The following COBLL1 variants were observed in gnomAD, a reference collection of about 807,000 sequenced individuals.
COBLL1 encodes the protein cordon-bleu protein-like 1.
Under a neutral mutation model 94.8 loss-of-function variants are expected in COBLL1, and 50 were observed. That is an observed-to-expected ratio of 0.53 (90% confidence interval 0.42 to 0.67). COBLL1 has a LOEUF of 0.67. COBLL1 is among the 30% of genes least tolerant of loss of function. COBLL1 has a pLI of 0.00. For synonymous variants in COBLL1, 448 were observed against 473.8 expected, an observed-to-expected ratio of 0.95 and a Z score of 0.71; for missense variants, 1,362 against 1,348.7, an observed-to-expected ratio of 1.01 and a Z score of -0.15.
At chr2:164,691,728 A>T (rs1683604790) in intron 13 of COBLL1, among the ~76,000 whole-genome samples, 1 of 152,128 alleles carries the variant, frequency 6.6e-6, no homozygotes, top group African/African-American at 2.4e-5. Context: ...CATTACTAAG[A>T]TTTGAATTTC....
chr2:164,680,948 T>C lies in COBLL1; in HGVS notation c.*4998A>G, dbSNP rs1369473958. The stretch of plus-strand genomic sequence containing the variant: ...TATAGAGAAAGGGAGAGAATATACT[T>C]TTGCACTACGACTAAGAAAAAAAAT... On this transcript the variant is annotated 3_prime_UTR_variant, in exon 14 of 14. Coordinates refer to ENST00000652658, the MANE Select transcript of COBLL1 (RefSeq NM_001365672.2). 1.3e-5 allele frequency: 2 copies of C among 152,060 alleles called. No individual in the cohort carries two copies. Among genetic ancestry groups the C allele is most frequent in the Non-Finnish European group, 2.9e-5 (2 of 68,012 alleles). The allele number at this position is 152,060 out of a possible 1,614,324, so 9.4% of individuals were successfully genotyped here.
intron 2 of COBLL1, among the ~76,000 whole-genome samples, chr2:164,752,270 G>A (rs1687164685): frequency 1.3e-5 from 2 of 152,148 alleles, no homozygotes. Flanking sequence ...CCAGATGAGG[G>A]TGACATGCAG....
intron 2 of COBLL1, among the ~76,000 whole-genome samples, chr2:164,833,701 C>T (rs1198088202): frequency 6.6e-6 from 1 of 152,116 alleles, no homozygotes; most frequent in African/African-American, 2.4e-5. Context: ...CCAACCACCT[C>T]GGCCTCCCAA....
chr2:164,826,353 T>A (rs1685427000), intron 2 of COBLL1, among the ~76,000 whole-genome samples: 2 of 152,188 alleles, frequency 1.3e-5, no homozygotes, highest in Non-Finnish European at 1.5e-5. Flanking sequence ...CTAACCAACT[T>A]CATCCTCCAC....
At position 164,784,829 on chromosome 2, in the gene COBLL1, T is replaced by A. The variant is rs191159026; in HGVS notation, c.42-40954A>T. ...GTACTAGAGCCAATACATGTTTTTTTAAAAACAATTAAAATACATATAAAA... is the reference window on the plus strand; with the variant it reads ...GTACTAGAGCCAATACATGTTTTTTAAAAAACAATTAAAATACATATAAAA... On this transcript the variant is annotated intron_variant, in intron 2 of 13. Coordinates refer to ENST00000652658, the MANE Select transcript of COBLL1 (RefSeq NM_001365672.2). 2.1e-4 allele frequency among the ~76,000 whole-genome samples: 32 copies of A among 152,274 alleles called. 1 individual carries two copies. Among genetic ancestry groups the A allele is most frequent in the Admixed American group, 1.7e-3 (26 of 15,286 alleles).
intron 2 of COBLL1, among the ~76,000 whole-genome samples, chr2:164,760,856 TAA>T (rs1687647151): frequency 6.6e-6 from 1 of 152,196 alleles, no homozygotes; most frequent in Non-Finnish European, 1.5e-5. Context: ...CGTACCTATT[TAA>T]AGTAAACCTG....
chr2:164,724,947 G>C (rs1685640145), intron 5 of COBLL1: 1 of 151,694 alleles, frequency 6.6e-6, no homozygotes, highest in Non-Finnish European at 1.5e-5. Context: ...GACAATGCTA[G>C]CAACTAATAA....
intron 2 of COBLL1, among the ~76,000 whole-genome samples, chr2:164,772,900 T>C (rs968690357): frequency 6.6e-6 from 1 of 152,110 alleles, no homozygotes; most frequent in Non-Finnish European, 1.5e-5. Context: ...TCAGTTAGTT[T>C]AGCAAAATTA....
chr2:164,688,043 T>C (rs1683397619), intron 13 of COBLL1, among the ~76,000 whole-genome samples: 1 of 144,810 alleles, frequency 6.9e-6, no homozygotes, highest in African/African-American at 2.7e-5. Context: ...TACTATGTAA[T>C]CTTTAAAAGA....
chr2:164,792,931 T>TCTA lies in COBLL1; in HGVS notation c.41+48222_41+48224dup, dbSNP rs200619973. Among the ~76,000 whole-genome samples the TCTA allele has an allele frequency of 1.6e-4, 25 of 152,230 alleles. No homozygotes were observed. The East Asian group carries it at 4.6e-3, about 28-fold the overall frequency. On this transcript the variant is annotated intron_variant, in intron 2 of 13. Transcript: ENST00000652658. Reference sequence around the variant, plus strand: ...TGGAATGTCTCCTTGGAATGAACATTCTACTGGCAGACACACCCTACAGTT... The same window carrying TCTA: ...TGGAATGTCTCCTTGGAATGAACATTCTACTACTGGCAGACACACCCTACAGTT...
downstream of COBLL1, among the ~76,000 whole-genome samples, chr2:164,678,140 A>C (rs1210829150): frequency 6.6e-6 from 1 of 152,202 alleles, no homozygotes. Context: ...AAGAGCAAGA[A>C]TAGCCAAGAC....
intron 12 of COBLL1, among the ~76,000 whole-genome samples, 192 bp downstream of exon 12, chr2:164,694,070 ACCTAAAC>A (rs1242852002): frequency 6.6e-6 from 1 of 152,172 alleles, no homozygotes; most frequent in Non-Finnish European, 1.5e-5. Flanking sequence ...TTACAGTAAT[ACCTAAAC>A]AAGTTATATA....
intron 1 of COBLL1, among the ~76,000 whole-genome samples, chr2:164,667,984 G>A (rs1426700735): frequency 2.1e-4 from 28 of 133,544 alleles, no homozygotes; most frequent in African/African-American, 7.0e-4. Context: ...TCACTCTATC[G>A]CCCAGGCTGG....
rs1683091174 is a variant in COBLL1, at chr2:164,682,664, A to G, written c.*3282T>C. 2 of 152,158 alleles carry G rather than the reference A, an allele frequency of 1.3e-5. No individual in the cohort carries two copies. Among genetic ancestry groups the G allele is most frequent in the South Asian group, 4.1e-4 (2 of 4,834 alleles). The allele number at this position is 152,158 out of a possible 1,614,324, so 9.4% of individuals were successfully genotyped here. On this transcript the variant is annotated 3_prime_UTR_variant, in exon 14 of 14. Coordinates refer to ENST00000652658, the MANE Select transcript of COBLL1 (RefSeq NM_001365672.2). The stretch of plus-strand genomic sequence containing the variant: ...CAAATAATACCTGTTCACTTATAGT[A>G]TTGACATCAGGTAACTTTAAAAGAT...
intron 1 of COBLL1, among the ~76,000 whole-genome samples, chr2:164,672,103 C>A (rs1691251438): frequency 6.6e-6 from 1 of 152,130 alleles, no homozygotes; most frequent in African/African-American, 2.4e-5. Context: ...CTTTTTATTT[C>A]TCTTTGCATA....
At chr2:164,749,173 G>A (rs1420213393) in intron 2 of COBLL1, among the ~76,000 whole-genome samples, 2 of 152,106 alleles carry the variant, frequency 1.3e-5, no homozygotes, top group African/African-American at 4.8e-5. Flanking sequence ...GGTTTAAAAT[G>A]CTGTATGAGA....
rs377408786 is a variant in COBLL1, at chr2:164,834,219, C to A, written c.41+6937G>T. Among the ~76,000 whole-genome samples the A allele has an allele frequency of 2.0e-5, 3 of 152,254 alleles. No homozygotes were observed. In the East Asian group the frequency reaches 5.8e-4, roughly 29 times the overall value. ...ATAAAGACATTTTGACTTTTAGACTCAAAAAACTGGATAAGAACTCCTTCT... is the reference window on the plus strand; with the variant it reads ...ATAAAGACATTTTGACTTTTAGACTAAAAAAACTGGATAAGAACTCCTTCT... On this transcript the variant is annotated intron_variant, in intron 2 of 13. Coordinates refer to ENST00000652658, the MANE Select transcript of COBLL1 (RefSeq NM_001365672.2).
At chr2:164,677,867 G>A (rs1468367484), downstream of COBLL1, among the ~76,000 whole-genome samples, 1 of 152,172 alleles carries the variant, frequency 6.6e-6, no homozygotes, top group Non-Finnish European at 1.5e-5. Context: ...CAAAGTGTTT[G>A]TACTAATTGA....
At chr2:164,803,548 G>A (rs1263639820) in intron 2 of COBLL1, among the ~76,000 whole-genome samples, 2 of 145,852 alleles carry the variant, frequency 1.4e-5, no homozygotes, top group African/African-American at 5.1e-5. Context: ...CTGGGTGACA[G>A]AGCGAGACTC....
Sources: allele counts gnomAD v4.1 joint callset (sites outside exome capture counted in the v4.1 genomes callset), GRCh38; gene constraint gnomAD v4.1.1; transcripts MANE v1.5; gene names NCBI Gene and HGNC (gene_info 2026-07-23, HGNC 2026-07-21).